TAFA4: variants seen among roughly 807,000 people sequenced by gnomAD.
The protein encoded by TAFA4 is chemokine-like protein TAFA-4.
A neutral mutation model predicts 21.1 loss-of-function variants in TAFA4; 20 were observed. The ratio of observed to expected loss-of-function variants is 0.95; its 90% CI spans 0.67 to 1.38. The LOEUF (loss-of-function observed/expected upper bound fraction) is 1.38. TAFA4 is among the 40% of genes most tolerant of loss of function. The pLI is 0.00. For synonymous variants in TAFA4, 71 were observed against 67.4 expected, an observed-to-expected ratio of 1.05 and a Z score of -0.26; for missense variants, 211 against 180.9, an observed-to-expected ratio of 1.17 and a Z score of -0.95.
rs551826913 is a variant in TAFA4, at chr3:68,924,365, A to G, written c.-123+7875T>C. ...CCTTGAAGACATTATGCTAAGTGAG[A>G]TAAGACAGACACAAAAGAACGAATA... On this transcript the variant is annotated intron_variant, in intron 1 of 5. Coordinates refer to ENST00000295569, the MANE Select transcript of TAFA4 (RefSeq NM_182522.5). 8.4e-4 allele frequency among the ~76,000 whole-genome samples: 128 copies of G among 151,902 alleles called. 2 individuals are homozygous for G. Among genetic ancestry groups the G allele is most frequent in the African/African-American group, 2.7e-3 (112 of 41,166 alleles).
chr3:68,856,324 T>C (rs1705068810), intron 3 of TAFA4, among the ~76,000 whole-genome samples: 1 of 152,196 alleles, frequency 6.6e-6, no homozygotes, highest in Non-Finnish European at 1.5e-5. Flanking sequence ...TGCTTTATTA[T>C]TTGTGTCATT....
chr3:68,868,331 T>C (rs936122039), intron 3 of TAFA4, among the ~76,000 whole-genome samples: 1 of 151,844 alleles, frequency 6.6e-6, no homozygotes, highest in Non-Finnish European at 1.5e-5. Flanking sequence ...AATATATATA[T>C]AATGTACAGA....
At chr3:68,896,030 T>C (rs2089785153) in intron 1 of TAFA4, among the ~76,000 whole-genome samples, 2 of 152,030 alleles carry the variant, frequency 1.3e-5, no homozygotes, top group Admixed American at 6.6e-5. Flanking sequence ...TCCAGGTAAA[T>C]AGACAGCACA....
intron 3 of TAFA4, among the ~76,000 whole-genome samples, chr3:68,782,437 C>T (rs189718619): frequency 8.0e-4 from 121 of 152,060 alleles, no homozygotes; most frequent in Non-Finnish European, 1.3e-3. Context: ...AACTTATACA[C>T]AAATGTTTAT....
chr3:68,802,099 T>C (rs1055071421), intron 3 of TAFA4, among the ~76,000 whole-genome samples: 1 of 152,162 alleles, frequency 6.6e-6, no homozygotes, highest in African/African-American at 2.4e-5. Flanking sequence ...GGAGGTTACA[T>C]TAAATTTTTA....
intron 3 of TAFA4, among the ~76,000 whole-genome samples, chr3:68,842,064 T>G (rs1229711963): frequency 6.6e-6 from 1 of 152,204 alleles, no homozygotes; most frequent in Non-Finnish European, 1.5e-5. Context: ...ATATACACAG[T>G]AATGGGACTG....
chr3:68,911,177 G>C (rs572173088), intron 1 of TAFA4, among the ~76,000 whole-genome samples: 25 of 152,330 alleles, frequency 1.6e-4, no homozygotes, highest in African/African-American at 6.0e-4. Context: ...ATTATGCCAA[G>C]CCAATCGATA....
At chr3:68,874,397 T>C (rs2089522429) in intron 3 of TAFA4, among the ~76,000 whole-genome samples, 1 of 152,152 alleles carries the variant, frequency 6.6e-6, no homozygotes, top group South Asian at 2.1e-4. Context: ...ACGTCATTTT[T>C]CTTCCTGCCC....
At chr3:68,776,119 GAGAGGCAGCA>G (rs1703045793) in intron 3 of TAFA4, among the ~76,000 whole-genome samples, 1 of 152,074 alleles carries the variant, frequency 6.6e-6, no homozygotes. Flanking sequence ...GACATAAAAA[GAGAGGCAGCA>G]AGCAGAAAAC....
At chr3:68,893,615 G>C (rs2089755273) in intron 1 of TAFA4, among the ~76,000 whole-genome samples, 1 of 152,150 alleles carries the variant, frequency 6.6e-6, no homozygotes, top group South Asian at 2.1e-4. Flanking sequence ...GAGCATTTTA[G>C]GAAAAGTACA....
chr3:68,911,550 G>A (rs75664901), intron 1 of TAFA4, among the ~76,000 whole-genome samples: 1 of 152,092 alleles, frequency 6.6e-6, no homozygotes, highest in Non-Finnish European at 1.5e-5. Context: ...CACACAAATC[G>A]CCCAAACCAA....
At chr3:68,900,620 T>C (rs2089836462) in intron 1 of TAFA4, among the ~76,000 whole-genome samples, 1 of 152,134 alleles carries the variant, frequency 6.6e-6, no homozygotes, top group South Asian at 2.1e-4. Context: ...TATACTCTCG[T>C]GAGAATTCCC....
At chr3:68,826,993 C>G (rs1704254088) in intron 3 of TAFA4, among the ~76,000 whole-genome samples, 1 of 152,016 alleles carries the variant, frequency 6.6e-6, no homozygotes, top group Admixed American at 6.6e-5. Flanking sequence ...CCACCAACTC[C>G]TCATTTACAT....
intron 1 of TAFA4, among the ~76,000 whole-genome samples, chr3:68,905,046 T>C (rs541991432): frequency 2.6e-5 from 4 of 152,248 alleles, no homozygotes; most frequent in African/African-American, 9.6e-5. Flanking sequence ...CATTACATTT[T>C]AAAATCCATC....
intron 3 of TAFA4, among the ~76,000 whole-genome samples, chr3:68,864,375 C>T (rs1306124283): frequency 6.6e-6 from 1 of 152,042 alleles, no homozygotes; most frequent in South Asian, 2.1e-4. Context: ...TAGGTTCATG[C>T]AAATTAAATC....
intron 3 of TAFA4, among the ~76,000 whole-genome samples, chr3:68,793,541 G>C (rs1331239204): frequency 6.6e-6 from 1 of 152,132 alleles, no homozygotes; most frequent in Admixed American, 6.5e-5. Context: ...TTTTAACTTT[G>C]AGCTTATATT....
chr3:68,766,780 A>G (rs572879201), intron 3 of TAFA4, among the ~76,000 whole-genome samples: 1 of 152,232 alleles, frequency 6.6e-6, no homozygotes, highest in Non-Finnish European at 1.5e-5. Flanking sequence ...GAGCAGACCT[A>G]CACCAAGGTG....
intron 3 of TAFA4, among the ~76,000 whole-genome samples, chr3:68,793,125 T>C (rs1703393644): frequency 6.6e-6 from 1 of 152,182 alleles, no homozygotes. Flanking sequence ...AATCACTCTC[T>C]GATTTCAGGG....
chr3:68,746,114 T>G (rs756868376), intron 4 of TAFA4, among the ~76,000 whole-genome samples: 3 of 152,168 alleles, frequency 2.0e-5, no homozygotes, highest in Non-Finnish European at 4.4e-5. Context: ...CTTCAGCTTT[T>G]GGACTCTTGG....
Sources: gnomAD v4.1 joint callset for allele counts (sites outside exome capture counted in the v4.1 genomes callset) on GRCh38, gnomAD v4.1.1 for gene constraint, MANE v1.5 for transcripts, NCBI Gene and HGNC (gene_info 2026-07-23, HGNC 2026-07-21) for gene names.